PCDH9: variants seen among roughly 807,000 people sequenced by gnomAD.
PCDH9 encodes protocadherin 9, also known as protocadherin-9.
Under a neutral mutation model 70.6 loss-of-function variants are expected in PCDH9, and 24 were observed. That is an observed-to-expected ratio of 0.34 (90% CI 0.25 to 0.48). PCDH9 has a LOEUF of 0.48. Ranked by LOEUF, PCDH9 falls within the 20% of genes least tolerant of loss-of-function variation. The pLI, the probability that PCDH9 is intolerant of heterozygous loss-of-function variation, is 0.99. For missense variants in PCDH9, 1,281 were observed against 1,503.6 expected (o/e 0.85, Z 2.45); for synonymous variants, 562 against 558.5 (o/e 1.01, Z -0.09).
chr13:67,220,673 T>A (rs1460341533), intron 2 of PCDH9: 1 of 152,054 alleles, frequency 6.6e-6, no homozygotes. Flanking sequence ...TGTTTCTATA[T>A]CTTGAATTAA....
intron 2 of PCDH9, among the ~76,000 whole-genome samples, chr13:67,124,199 A>G (rs951190566): frequency 6.6e-6 from 1 of 152,184 alleles, no homozygotes; most frequent in Non-Finnish European, 1.5e-5. Flanking sequence ...ACTGCTATCA[A>G]CTGGGGATAA....
At chr13:66,613,882 C>G (rs1018559153) in intron 4 of PCDH9, among the ~76,000 whole-genome samples, 1 of 152,104 alleles carries the variant, frequency 6.6e-6, no homozygotes, top group African/African-American at 2.4e-5. Flanking sequence ...AAAAACAACC[C>G]TAAAGACTAT....
intron 3 of PCDH9, among the ~76,000 whole-genome samples, chr13:66,818,005 G>T (rs889522792): frequency 6.6e-6 from 1 of 152,108 alleles, no homozygotes; most frequent in African/African-American, 2.4e-5. Flanking sequence ...CACACTAGGG[G>T]CCAAAATAAG....
At chr13:67,181,457 G>A (rs144613265) in intron 2 of PCDH9, among the ~76,000 whole-genome samples, 6 of 152,196 alleles carry the variant, frequency 3.9e-5, no homozygotes, top group Admixed American at 2.0e-4. Context: ...CACACAGACC[G>A]TTTTCAAAAT....
At chr13:66,617,760 C>A (rs1338400474) in intron 4 of PCDH9, among the ~76,000 whole-genome samples, 1 of 152,172 alleles carries the variant, frequency 6.6e-6, no homozygotes, top group Non-Finnish European at 1.5e-5. Context: ...TTCTTGCCTT[C>A]AGGCCATCAA....
At chr13:66,789,728 C>A (rs2139315934) in intron 3 of PCDH9, among the ~76,000 whole-genome samples, 1 of 152,170 alleles carries the variant, frequency 6.6e-6, no homozygotes, top group African/African-American at 2.4e-5. Context: ...TTCTATAGAC[C>A]ATATAATTCA....
intron 4 of PCDH9, among the ~76,000 whole-genome samples, chr13:66,381,300 T>C (rs1391781913): frequency 6.6e-6 from 1 of 152,212 alleles, no homozygotes; most frequent in African/African-American, 2.4e-5. Flanking sequence ...AAAAGAACCA[T>C]GCTGGACAAG....
chr13:66,379,454 T>C (rs1956804563), intron 4 of PCDH9, among the ~76,000 whole-genome samples: 1 of 152,228 alleles, frequency 6.6e-6, no homozygotes, highest in South Asian at 2.1e-4. Flanking sequence ...TTTCCATCAC[T>C]GTGTTCTGGG....
chr13:66,452,986 C>A (rs1429342713), intron 4 of PCDH9, among the ~76,000 whole-genome samples: 1 of 152,122 alleles, frequency 6.6e-6, no homozygotes, highest in Non-Finnish European at 1.5e-5. Context: ...AGCCACCCAT[C>A]CATCCATTCA....
chr13:66,623,663 C>T (rs1356054287), intron 4 of PCDH9, among the ~76,000 whole-genome samples: 1 of 152,268 alleles, frequency 6.6e-6, no homozygotes, highest in East Asian at 1.9e-4. Context: ...TGGTCTCCAA[C>T]TCCTGGCTTC....
At chr13:66,454,021 A>C (rs750444770) in intron 4 of PCDH9, among the ~76,000 whole-genome samples, 55 of 152,222 alleles carry the variant, frequency 3.6e-4, no homozygotes, top group Non-Finnish European at 6.2e-4. Flanking sequence ...TACCTTGGGA[A>C]CTAAAAAAAA....
At chr13:67,004,875 G>C (rs1213833346) in intron 2 of PCDH9, among the ~76,000 whole-genome samples, 1 of 151,960 alleles carries the variant, frequency 6.6e-6, no homozygotes, top group Non-Finnish European at 1.5e-5. Flanking sequence ...ATAAATAAAT[G>C]CTTTAGCTAT....
chr13:66,955,784 C>T (rs1323919), intron 2 of PCDH9, among the ~76,000 whole-genome samples: 147,715 of 152,256 alleles, frequency 0.97, 71,707 homozygotes, highest in East Asian at 1. Context: ...GAATGACAAA[C>T]AGATACATAA....
chr13:66,897,688 G>C (rs2082206155), intron 3 of PCDH9, among the ~76,000 whole-genome samples: 1 of 152,076 alleles, frequency 6.6e-6, no homozygotes, highest in South Asian at 2.1e-4. Flanking sequence ...TACTACTGCA[G>C]TATAAGTTCT....
At chr13:66,376,748 A>C (rs112007583) in intron 4 of PCDH9, among the ~76,000 whole-genome samples, 25 of 152,296 alleles carry the variant, frequency 1.6e-4, no homozygotes, top group African/African-American at 5.8e-4. Flanking sequence ...ATGAAAATGA[A>C]TGAATTATAC....
At chr13:66,373,825 G>A (rs1320173991) in intron 4 of PCDH9, among the ~76,000 whole-genome samples, 1 of 152,138 alleles carries the variant, frequency 6.6e-6, no homozygotes, top group African/African-American at 2.4e-5. Flanking sequence ...GTTATAGAAG[G>A]CCAGACTTCC....
At chr13:66,570,408 C>A (rs1218200941) in intron 4 of PCDH9, among the ~76,000 whole-genome samples, 3 of 152,050 alleles carry the variant, frequency 2.0e-5, no homozygotes, top group African/African-American at 4.8e-5. Flanking sequence ...AAATATAACA[C>A]AGACACACAC....
chr13:67,044,712 A>C (rs1256021080), intron 2 of PCDH9, among the ~76,000 whole-genome samples: 1 of 152,144 alleles, frequency 6.6e-6, no homozygotes, highest in East Asian at 1.9e-4. Flanking sequence ...ATTAAATCTT[A>C]CTGAACATTA....
intron 2 of PCDH9, among the ~76,000 whole-genome samples, chr13:67,171,870 A>G (rs1234271925): frequency 6.6e-6 from 1 of 152,182 alleles, no homozygotes; most frequent in Non-Finnish European, 1.5e-5. Context: ...TAAGCCCTCA[A>G]AATGAGAGCG....
Sources: gnomAD v4.1 joint callset for allele counts (sites outside exome capture counted in the v4.1 genomes callset) on GRCh38, gnomAD v4.1.1 for gene constraint, MANE v1.5 for transcripts, NCBI Gene and HGNC (gene_info 2026-07-23, HGNC 2026-07-21) for gene names.